Variants in STS observed in about 807,000 individuals in gnomAD.
STS encodes the protein steryl-sulfatase.
A neutral mutation model predicts 26.8 loss-of-function variants in STS; 7 were observed. The observed-to-expected ratio is 0.26, with a 90% CI of 0.15 to 0.49. STS has a LOEUF of 0.49. Among genes scored for constraint, STS ranks in the 20% least tolerant of loss-of-function variants. The pLI, the probability that STS is intolerant of heterozygous loss-of-function variation, is 0.98. For synonymous variants in STS, 199 were observed against 189.4 expected (o/e 1.05, Z -0.42); for missense variants, 434 against 465.6 (o/e 0.93, Z 0.63).
At chrX:7,264,267 G>A (rs1480122029) in intron 6 of STS, among the ~76,000 whole-genome samples, 1 of 112,305 alleles carries the variant, frequency 8.9e-6, no homozygotes, top group Non-Finnish European at 1.9e-5. Context: ...CAGCAAAATG[G>A]CATGGTGAAG....
At chrX:7,204,706 C>G (rs1045511557) in intron 2 of STS, among the ~76,000 whole-genome samples, 33 of 101,568 alleles carry the variant, frequency 3.2e-4, no homozygotes, top group African/African-American at 1.1e-3. Context: ...CTCCTTCTTT[C>G]ATTCCTTCAT....
In STS at chrX:7,334,007, G is replaced by A; in HGVS notation, c.1263G>A (p.Leu421=). 1 of 1,211,450 alleles carries A rather than the reference G, an allele frequency of 8.3e-7. No homozygotes were observed. Among genetic ancestry groups the A allele is most frequent in the East Asian group, 3.0e-5 (1 of 33,814 alleles). ...ACAGGATCATTGATGGACGTGATCT[G>A]ATGCCCCTGCTTGAAGGAAAAAGCC... is the stretch of plus-strand genomic sequence containing the variant. ...PEDRIIDGRD[L]MPLLEGKSQR... The change falls in exon 10 of 11, where the codon CTG becomes CTA. Residue 421 remains leucine, a synonymous_variant. Transcript: ENST00000674429.
intron 8 of STS, among the ~76,000 whole-genome samples, chrX:7,320,214 T>G (rs1487147327): frequency 9.7e-6 from 1 of 103,216 alleles, no homozygotes; most frequent in Non-Finnish European, 1.9e-5. Flanking sequence ...ATGAATGAGT[T>G]TAGATTGATG....
At chrX:7,251,226 T>C (rs1214781380) in intron 2 of STS, among the ~76,000 whole-genome samples, 2 of 111,502 alleles carry the variant, frequency 1.8e-5, no homozygotes, top group Non-Finnish European at 3.8e-5. Flanking sequence ...TGTTCCTGAT[T>C]CTGAGGTCCA....
chrX:7,197,757 G>A lies in STS; in HGVS notation c.-5+6749G>A, dbSNP rs1240093269. On this transcript the variant is annotated intron_variant, in intron 2 of 10. Coordinates refer to ENST00000674429, the MANE Select transcript of STS (RefSeq NM_001320752.2). ...TTAACCGTAAACATCTAGAGGCTAG[G>A]AACACCTAACTTTCTGGGAGTGCAG... is the stretch of plus-strand genomic sequence containing the variant. Among the ~76,000 whole-genome samples the A allele has an allele frequency of 3.6e-5, 4 of 111,242 alleles. No homozygotes were observed. The South Asian group carries it at 1.5e-3, about 42-fold the overall frequency.
intron 9 of STS, among the ~76,000 whole-genome samples, chrX:7,325,816 G>C (rs755559779): frequency 3.0e-4 from 34 of 112,175 alleles, no homozygotes. Context: ...AACGGACTGA[G>C]TGGGGAAACC....
chrX:7,325,371 C>T lies in STS; in HGVS notation c.1114C>T (p.Arg372Trp), dbSNP rs1064795456. 3 of 1,211,209 alleles carry T rather than the reference C, an allele frequency of 2.5e-6. No individual in the cohort carries two copies. Among genetic ancestry groups the T allele is most frequent in the Non-Finnish European group, 3.4e-6 (3 of 895,265 alleles). ...GKANNWEGGI[R>W]VPGILRWPRV... is the part of the protein sequence containing the mutation. ...AGCAAACAACTGGGAAGGAGGTATC[C>T]GGGTTCCAGGCATCCTTCGTTGGCC... The change falls in exon 9 of 11, where the codon CGG becomes TGG. Residue 372 changes from arginine (R) to tryptophan (W), a missense_variant. This residue lies in a region of STS where 205 missense variants were observed against 177.3 expected (regional missense o/e 1.16). Coordinates refer to ENST00000674429, the MANE Select transcript of STS (RefSeq NM_001320752.2).
At chrX:7,341,870 TG>T (rs1928301347) in intron 10 of STS, among the ~76,000 whole-genome samples, 1 of 110,118 alleles carries the variant, frequency 9.1e-6, no homozygotes, top group African/African-American at 3.3e-5. Flanking sequence ...TGACATGCAA[TG>T]GCACGATCTC....
intron 1 of STS, among the ~76,000 whole-genome samples, chrX:7,163,448 C>T (rs1387046076): frequency 2.7e-5 from 3 of 112,233 alleles, no homozygotes; most frequent in Admixed American, 1.9e-4. Flanking sequence ...TAGAGCTTGT[C>T]ACAGCTGGTT....
intron 2 of STS, among the ~76,000 whole-genome samples, chrX:7,237,118 A>C (rs1427132030): frequency 9.1e-6 from 1 of 109,648 alleles, no homozygotes; most frequent in Non-Finnish European, 1.9e-5. Context: ...ATGTGATTGC[A>C]TAAGGACACC....
At chrX:7,266,556 T>C (rs1489804205) in intron 6 of STS, among the ~76,000 whole-genome samples, 3 of 112,106 alleles carry the variant, frequency 2.7e-5, no homozygotes, top group African/African-American at 6.5e-5. Context: ...CTGGGGGAGA[T>C]GCTTCTATTA....
chrX:7,246,955 T>C (rs1298874765), intron 2 of STS, among the ~76,000 whole-genome samples: 1 of 113,146 alleles, frequency 8.8e-6, no homozygotes, highest in Non-Finnish European at 1.9e-5. Context: ...TCATAAATTA[T>C]AAATAAGACA....
At chrX:7,287,551 A>G (rs1925194997) in intron 7 of STS, among the ~76,000 whole-genome samples, 1 of 111,206 alleles carries the variant, frequency 9.0e-6, no homozygotes, top group Non-Finnish European at 1.9e-5. Flanking sequence ...TCGCTCAACT[A>G]TCTATTTGGT....
intron 1 of STS, among the ~76,000 whole-genome samples, chrX:7,187,302 C>T (rs1933791606): frequency 8.9e-6 from 1 of 112,204 alleles, no homozygotes; most frequent in East Asian, 2.8e-4. Flanking sequence ...CTAGAATATT[C>T]ACAGTGGTTT....
intron 7 of STS, among the ~76,000 whole-genome samples, chrX:7,281,163 CA>C (rs375403377): frequency 0.03 from 871 of 28,723 alleles, 5 homozygotes; most frequent in African/African-American, 0.076. Flanking sequence ...GAGATTCCAT[CA>C]AAAAAAAAAA....
chrX:7,333,166 ACACT>A (rs1372204570), intron 9 of STS, among the ~76,000 whole-genome samples: 1 of 112,196 alleles, frequency 8.9e-6, no homozygotes, highest in African/African-American at 3.2e-5. Context: ...CTCAAGTTAA[ACACT>A]CACCCTTTCA....
intron 2 of STS, among the ~76,000 whole-genome samples, chrX:7,206,252 C>A (rs1934230684): frequency 8.9e-6 from 1 of 112,140 alleles, no homozygotes; most frequent in African/African-American, 3.2e-5. Context: ...AAGATTGGGA[C>A]CTGGTTATGA....
rs761674790 is a variant in STS at position 7,234,675 on chromosome X, A to G, written c.-4-18521A>G. Among the ~76,000 whole-genome samples the G allele has an allele frequency of 9.9e-4, 110 of 111,635 alleles. 1 individual carries two copies. Among genetic ancestry groups the G allele is most frequent in the South Asian group, 1.5e-3 (4 of 2,645 alleles). On this transcript the variant is annotated intron_variant, in intron 2 of 10. Coordinates refer to ENST00000674429, the MANE Select transcript of STS (RefSeq NM_001320752.2). ...ACCTCTGAAATCTGTGACCTAACCC[A>G]TGACTTCAAACTTGAGCATCCTTTA... is the stretch of plus-strand genomic sequence containing the variant.
chrX:7,200,954 GTGGATGGATGGA>G (rs201826140), intron 2 of STS, among the ~76,000 whole-genome samples: 9 of 107,469 alleles, frequency 8.4e-5, no homozygotes, highest in Admixed American at 4.1e-4. Context: ...GGTTAGATGG[GTGGATGGATGGA>G]TGGATGGATG....
Sources: allele counts gnomAD v4.1 joint callset (sites outside exome capture counted in the v4.1 genomes callset), GRCh38; gene constraint gnomAD v4.1.1; regional missense constraint gnomAD v4.1.1; transcripts MANE v1.5; gene names NCBI Gene and HGNC (gene_info 2026-07-23, HGNC 2026-07-21).